The following TOX2 variants were observed in gnomAD, a reference collection of about 807,000 sequenced individuals.
The protein encoded by TOX2 is TOX high mobility group box family member 2, also known as granulosa cell HMG box 1.
In TOX2, 15 loss-of-function variants were observed where a neutral mutation model predicts 47.4. That is an observed-to-expected ratio of 0.32 (90% CI 0.21 to 0.49). TOX2 has a LOEUF of 0.49. Ranked by LOEUF, TOX2 falls within the 20% of genes least tolerant of loss-of-function variation. The pLI, the probability that TOX2 is intolerant of heterozygous loss-of-function variation, is 0.99. For synonymous variants in TOX2, 290 were observed against 296.6 expected, an observed-to-expected ratio of 0.98 and a Z score of 0.23; for missense variants, 622 against 673.1, an observed-to-expected ratio of 0.92 and a Z score of 0.84.
intron 2 of TOX2, among the ~76,000 whole-genome samples, chr20:44,003,648 G>A (rs553642396): frequency 6.6e-6 from 1 of 152,278 alleles, no homozygotes; most frequent in African/African-American, 2.4e-5. Flanking sequence ...CAATCTTGGG[G>A]TGTGAAATGG....
intron 1 of TOX2, among the ~76,000 whole-genome samples, chr20:43,949,427 C>T (rs1469582845): frequency 6.6e-6 from 1 of 152,206 alleles, no homozygotes; most frequent in Non-Finnish European, 1.5e-5. Flanking sequence ...GCGCACATCC[C>T]TCCCTGCTTA....
At chr20:44,031,183 C>T (rs1193576649) in intron 3 of TOX2, among the ~76,000 whole-genome samples, 2 of 152,048 alleles carry the variant, frequency 1.3e-5, no homozygotes, top group African/African-American at 2.4e-5. Context: ...GGAAGGTGGG[C>T]GAATGGGCAT....
chr20:43,996,463 C>T (rs1569077153), intron 2 of TOX2, among the ~76,000 whole-genome samples: 3 of 152,224 alleles, frequency 2.0e-5, no homozygotes, highest in Non-Finnish European at 2.9e-5. Context: ...TTGGGAGGAG[C>T]TTGAACAGTG....
At chr20:44,041,947 C>T (rs149306534) in intron 3 of TOX2, among the ~76,000 whole-genome samples, 295 of 152,300 alleles carry the variant, frequency 1.9e-3, no homozygotes, top group African/African-American at 6.3e-3. Flanking sequence ...TTCAATTATA[C>T]GGTGTATCCA....
At chr20:44,060,984 A>G (rs968486909) in intron 5 of TOX2, among the ~76,000 whole-genome samples, 3 of 152,194 alleles carry the variant, frequency 2.0e-5, no homozygotes, top group Non-Finnish European at 4.4e-5. Context: ...AAAGATAAAT[A>G]AAACTGATAG....
At chr20:44,052,041 A>G (rs2071521530) in intron 4 of TOX2, among the ~76,000 whole-genome samples, 1 of 152,240 alleles carries the variant, frequency 6.6e-6, no homozygotes, top group Non-Finnish European at 1.5e-5. Flanking sequence ...CAGCAAGGCC[A>G]TCGGGGTCAC....
At chr20:43,984,287 A>G (rs2070224548) in intron 2 of TOX2, among the ~76,000 whole-genome samples, 1 of 152,202 alleles carries the variant, frequency 6.6e-6, no homozygotes, top group Admixed American at 6.5e-5. Flanking sequence ...CTGTTTCAAG[A>G]CCATAGATTT....
chr20:44,023,907 G>T (rs1324665496), intron 3 of TOX2, among the ~76,000 whole-genome samples: 1 of 152,204 alleles, frequency 6.6e-6, no homozygotes, highest in Non-Finnish European at 1.5e-5. Context: ...TGGTCTTGGG[G>T]CTGCCACCAG....
chr20:44,039,922 C>A (rs886154251), intron 3 of TOX2, among the ~76,000 whole-genome samples: 1 of 152,190 alleles, frequency 6.6e-6, no homozygotes. Flanking sequence ...GCACAATAAC[C>A]CTCTGTAGGG....
rs149903527 is a variant in TOX2 at position 43,965,755 on chromosome 20, G to A, written c.100-7612G>A. On this transcript the variant is annotated intron_variant, in intron 1 of 8. Transcript: ENST00000341197. ...TGAGATCTTAGACCCAGGACCAAGAGTGGGAGCAAATGGGTAGAAGACATG... is the reference window on the plus strand; with the variant it reads ...TGAGATCTTAGACCCAGGACCAAGAATGGGAGCAAATGGGTAGAAGACATG... 2.8e-4 allele frequency among the ~76,000 whole-genome samples: 43 copies of A among 152,338 alleles called. No homozygotes were observed. The East Asian group carries it at 7.9e-3, about 28-fold the overall frequency.
Position 43,916,744 on chromosome 20 carries a change from G to A in TOX2, c.99+1754G>A, listed in dbSNP as rs1295937900. Among the ~76,000 whole-genome samples, 1 of 152,208 alleles carries A rather than the reference G, an allele frequency of 6.6e-6. No homozygotes were observed. Among genetic ancestry groups the A allele is most frequent in the East Asian group, 1.9e-4 (1 of 5,200 alleles). ...ACCAGCCTCTGGTTTGCGGGTGTGG[G>A]TGGGCTGGGCATTTGTGCCTCAAAG... is the stretch of plus-strand genomic sequence containing the variant. On this transcript the variant is annotated intron_variant, in intron 1 of 8. Coordinates refer to ENST00000341197, the MANE Select transcript of TOX2 (RefSeq NM_001098797.2). This position sits in a 1 kb window ranked among gnomAD's most constrained non-coding sequence, Gnocchi z 5.0.
rs1184066486 is a variant in TOX2 at position 44,054,443 on chromosome 20, G to A, written c.796G>A (p.Gly266Ser). 1 of 1,613,798 alleles carries A rather than the reference G, an allele frequency of 6.2e-7. No individual in the cohort carries two copies. The highest frequency in any genetic ancestry group is 1.1e-5 in the South Asian group (1 of 91,008). The change falls in exon 5 of 9, where the codon GGT (glycine) becomes AGT (serine). Residue 266 changes from glycine (G) to serine (S), a missense_variant. Coordinates refer to ENST00000341197, the MANE Select transcript of TOX2 (RefSeq NM_001098797.2). The stretch of plus-strand genomic sequence containing the variant: ...CAGAGACACTCAGGCCGCCATCAAG[G>A]GTCAGAACCCCAGTGCCACTTTCGG... ...FFRDTQAAIKGQNPSATFGDV... is the reference protein window; with the variant it reads ...FFRDTQAAIKSQNPSATFGDV...
chr20:43,943,648 CAA>C lies in TOX2; in HGVS notation c.99+28666_99+28667del, dbSNP rs374650546. ...AGTAGGGAGGAGGCAGAGGGAACAA[CAA>C]AAAAAAAGTTTTTTCAGTGAATGAA... On this transcript the variant is annotated intron_variant, in intron 1 of 8. Coordinates refer to ENST00000341197, the MANE Select transcript of TOX2 (RefSeq NM_001098797.2). Among the ~76,000 whole-genome samples the C allele has an allele frequency of 6.4e-4, 96 of 150,826 alleles. 1 individual carries two copies. Among genetic ancestry groups the C allele is most frequent in the African/African-American group, 2.3e-3 (94 of 41,188 alleles).
intron 1 of TOX2, among the ~76,000 whole-genome samples, chr20:43,935,581 G>A (rs1485990110): frequency 2.6e-5 from 4 of 152,070 alleles, no homozygotes; most frequent in African/African-American, 4.8e-5. Flanking sequence ...GTCACAAATG[G>A]GATACCTGAA....
At chr20:43,929,990 G>T (rs2069232699) in intron 1 of TOX2, among the ~76,000 whole-genome samples, 1 of 152,228 alleles carries the variant, frequency 6.6e-6, no homozygotes, top group Non-Finnish European at 1.5e-5. Context: ...TTACAGACGT[G>T]AGCCAATGCG....
chr20:43,964,080 A>G (rs1285252510), intron 1 of TOX2, among the ~76,000 whole-genome samples: 2 of 152,026 alleles, frequency 1.3e-5, no homozygotes, highest in African/African-American at 4.8e-5. Flanking sequence ...GAAAACTGAG[A>G]CACAGTAATG....
At chr20:44,026,912 G>A (rs1051027932) in intron 3 of TOX2, among the ~76,000 whole-genome samples, 4 of 152,072 alleles carry the variant, frequency 2.6e-5, no homozygotes, top group African/African-American at 7.2e-5. Flanking sequence ...TTTTCCTGCC[G>A]CCTCCTCCCC....
intron 3 of TOX2, among the ~76,000 whole-genome samples, chr20:44,022,640 G>C (rs6093917): frequency 0.61 from 92,404 of 152,004 alleles, 28,674 homozygotes; most frequent in East Asian, 0.78. Flanking sequence ...CAGTCACTGT[G>C]AGCCTGTGAG....
chr20:44,034,858 C>T (rs1177750298), intron 3 of TOX2, among the ~76,000 whole-genome samples: 1 of 152,194 alleles, frequency 6.6e-6, no homozygotes, highest in African/African-American at 2.4e-5. Flanking sequence ...CTTCCATAGA[C>T]ACCCTGTTGG....
Sources: gnomAD v4.1 joint callset for allele counts (sites outside exome capture counted in the v4.1 genomes callset) on GRCh38, gnomAD v4.1.1 for gene constraint, Gnocchi (gnomAD v3.1) non-coding constraint, MANE v1.5 for transcripts, NCBI Gene and HGNC (gene_info 2026-07-23, HGNC 2026-07-21) for gene names.